Variants in JADE2 observed in about 807,000 individuals in gnomAD.
The protein encoded by JADE2 is E3 ubiquitin-protein ligase Jade-2.
JADE2 carries 13 observed loss-of-function variants against 85.7 expected under a neutral mutation model. The observed-to-expected ratio is 0.15, with a 90% confidence interval of 0.10 to 0.24. JADE2 has a LOEUF of 0.24. JADE2 is among the 10% of genes least tolerant of loss of function. The pLI is 1.00. For synonymous variants in JADE2, 440 were observed against 456.1 expected (o/e 0.96, Z 0.45); for missense variants, 846 against 1,115.9 (o/e 0.76, Z 3.45).
intron 3 of JADE2, chr5:134,544,325 G>T: frequency 6.4e-6 from 1 of 156,114 alleles, no homozygotes. Context: ...CAGGATGCAG[G>T]TGCTACACAG....
intron 8 of JADE2, among the ~76,000 whole-genome samples, chr5:134,565,015 C>T (rs1375458508): frequency 6.6e-6 from 1 of 152,210 alleles, no homozygotes; most frequent in Non-Finnish European, 1.5e-5. Flanking sequence ...ACCAGTCTGT[C>T]TTTAGCAAAG....
intron 3 of JADE2, among the ~76,000 whole-genome samples, chr5:134,551,525 G>T (rs546650693): frequency 6.6e-6 from 1 of 150,480 alleles, no homozygotes; most frequent in African/African-American, 2.4e-5. Context: ...CACCTTGCCT[G>T]GCCCTTTTTT....
In JADE2 at chr5:134,573,853, G is replaced by C. The variant is rs545285071; in HGVS notation, c.1552+91G>C. On this transcript the variant is annotated intron_variant, in intron 10 of 11. Coordinates refer to ENST00000681547, the MANE Select transcript of JADE2 (RefSeq NM_001388185.1). ...GGAGGGTGTGTCTTTGGATCCTGGT[G>C]GGGGTATGTGCGTGGAGCCAAGGGC... 231 of 858,022 alleles carry C rather than the reference G, an allele frequency of 2.7e-4. 2 individuals are homozygous for C. In the South Asian group the frequency reaches 2.9e-3, roughly 11 times the overall value. The allele number at this position is 858,022 out of a possible 1,614,324, so 53.2% of individuals were successfully genotyped here. A position where few individuals can be genotyped will look rare whatever the true frequency, so the allele number is the denominator to read the frequency against.
At chr5:134,544,236 A>T (rs894872575) in intron 3 of JADE2, among the ~76,000 whole-genome samples, 9 of 152,248 alleles carry the variant, frequency 5.9e-5, no homozygotes, top group Admixed American at 4.6e-4. Context: ...GCAAGTGCTT[A>T]AGAGTACCTA....
chr5:134,572,214 G>A (rs1470754629), intron 9 of JADE2, among the ~76,000 whole-genome samples: 2 of 152,242 alleles, frequency 1.3e-5, no homozygotes, highest in African/African-American at 4.8e-5. Flanking sequence ...CCCCGGAGTG[G>A]TACTGGCCAT....
chr5:134,549,799 G>T (rs1046707065), intron 3 of JADE2, among the ~76,000 whole-genome samples: 1 of 152,278 alleles, frequency 6.6e-6, no homozygotes. Flanking sequence ...TGTCCCAAGT[G>T]TGTGGTTCTC....
chr5:134,525,682 A>AG lies in JADE2; in HGVS notation c.-325dup, dbSNP rs747827506. 3.8e-4 allele frequency: 475 copies of AG among 1,250,984 alleles called. 3 individuals are homozygous for AG. Among genetic ancestry groups the AG allele is most frequent in the Middle Eastern group, 2.0e-3 (9 of 4,514 alleles). The allele number at this position is 1,250,984 out of a possible 1,614,324, so 77.5% of individuals were successfully genotyped here. ...TTTAAAAAGAAACAGAAACATACAC[A>AG]GGGGGTTGGTGAATGGTGCCGACCG... On this transcript the variant is annotated 5_prime_UTR_variant, in exon 1 of 12. Transcript: ENST00000681547.
chr5:134,531,884 T>C lies in JADE2; in HGVS notation c.1-3974T>C, dbSNP rs1001719347. Among the ~76,000 whole-genome samples, 8 of 43,356 alleles carry C rather than the reference T, an allele frequency of 1.8e-4. No individual in the cohort carries two copies. The South Asian group carries it at 6.4e-3, about 35-fold the overall frequency. The allele number at this position is 43,356 out of a possible 152,430, so 28.4% of individuals were successfully genotyped here. A position where few individuals can be genotyped will look rare whatever the true frequency, so the allele number is the denominator to read the frequency against. On this transcript the variant is annotated intron_variant, in intron 1 of 11. Transcript: ENST00000681547. Reference sequence around the variant, plus strand: ...ATAAGGATGAGCCACCGTGCCTGGCTTTTTTTTTTTTTTTTTTTTTTTTTT... The same window carrying C: ...ATAAGGATGAGCCACCGTGCCTGGCCTTTTTTTTTTTTTTTTTTTTTTTTT...
At chr5:134,537,812 G>A (rs574450093) in intron 2 of JADE2, among the ~76,000 whole-genome samples, 177 bp from the exon 3 acceptor site, 26 of 152,290 alleles carry the variant, frequency 1.7e-4, no homozygotes, top group Admixed American at 1.6e-3. Context: ...GAGGCTTCAT[G>A]TCCCCATTCA....
chr5:134,526,645 C>T (rs1471108551), intron 1 of JADE2: 1 of 985,402 alleles, frequency 1.0e-6, no homozygotes, highest in Admixed American at 6.1e-5. Context: ...GCCCCCTCTC[C>T]CGGCCCGGTG....
rs983640390 is a variant in JADE2 at position 134,580,977 on chromosome 5, A to G, written c.*1660A>G. 1 of 152,604 alleles carries G rather than the reference A, an allele frequency of 6.6e-6. No homozygotes were observed. Among genetic ancestry groups the G allele is most frequent in the Non-Finnish European group, 1.5e-5 (1 of 68,048 alleles). 9.5% of individuals were successfully genotyped at this position (152,604 alleles called of 1,614,324 possible). A position where few individuals can be genotyped will look rare whatever the true frequency, so the allele number is the denominator to read the frequency against. ...AACCAGCATGGAAAACGTCTTTACCATGTGGTTCCCTCCTCCCCAAATACA... is the reference window on the plus strand; with the variant it reads ...AACCAGCATGGAAAACGTCTTTACCGTGTGGTTCCCTCCTCCCCAAATACA... On this transcript the variant is annotated 3_prime_UTR_variant, in exon 12 of 12. Coordinates refer to ENST00000681547, the MANE Select transcript of JADE2 (RefSeq NM_001388185.1).
At chr5:134,536,158 G>A (rs927357958) in intron 2 of JADE2, among the ~76,000 whole-genome samples, 2 of 152,160 alleles carry the variant, frequency 1.3e-5, no homozygotes, top group Non-Finnish European at 2.9e-5. Context: ...CTAGGTCCCA[G>A]CTCCATTTGT....
intron 4 of JADE2, among the ~76,000 whole-genome samples, chr5:134,556,853 C>T (rs1191875957): frequency 6.6e-5 from 9 of 136,680 alleles, no homozygotes; most frequent in East Asian, 2.2e-4. Context: ...AGCACATACA[C>T]GCACACACCA....
At chr5:134,576,159 A>G (rs1044789753) in intron 10 of JADE2, among the ~76,000 whole-genome samples, 1 of 152,136 alleles carries the variant, frequency 6.6e-6, no homozygotes, top group African/African-American at 2.4e-5. Flanking sequence ...TGATTGTACT[A>G]CTGCGCTCCA....
At chr5:134,563,422 C>G (rs1254206330) in intron 7 of JADE2, among the ~76,000 whole-genome samples, 1 of 152,150 alleles carries the variant, frequency 6.6e-6, no homozygotes, top group African/African-American at 2.4e-5. Flanking sequence ...TTTCTGAGTC[C>G]ATGTGGGAGT....
chr5:134,561,531 G>T (rs1581454479), intron 6 of JADE2, among the ~76,000 whole-genome samples: 1 of 139,534 alleles, frequency 7.2e-6, no homozygotes, highest in Non-Finnish European at 1.6e-5. Context: ...CTTGGTTTGG[G>T]GCCCAAGGCT....
chr5:134,531,214 G>A (rs1199224476), intron 1 of JADE2, among the ~76,000 whole-genome samples: 4 of 152,280 alleles, frequency 2.6e-5, no homozygotes, highest in East Asian at 3.9e-4. Flanking sequence ...CACAGGGCTC[G>A]AAGTATGGAA....
chr5:134,570,559 T>C (rs1458052542), intron 9 of JADE2, among the ~76,000 whole-genome samples: 1 of 152,206 alleles, frequency 6.6e-6, no homozygotes, highest in Non-Finnish European at 1.5e-5. Context: ...CTGCCCACTC[T>C]GGCCGGGTTT....
chr5:134,539,043 T>TTTTATTTATTTATTTATTTATTTA (rs58839611), intron 3 of JADE2, among the ~76,000 whole-genome samples: 81 of 134,376 alleles, frequency 6.0e-4, no homozygotes, highest in Middle Eastern at 3.3e-3. Flanking sequence ...TTTATTTTTA[T>TTTTATTTATTTATTTATTTATTTA]TTTATTTATT....
Sources: allele counts gnomAD v4.1 joint callset (sites outside exome capture counted in the v4.1 genomes callset), GRCh38; gene constraint gnomAD v4.1.1; transcripts MANE v1.5; gene names NCBI Gene and HGNC (gene_info 2026-07-23, HGNC 2026-07-21).